CSMD1: variants seen among roughly 807,000 people sequenced by gnomAD.
CSMD1 encodes the protein CUB and sushi domain-containing protein 1.
Under a neutral mutation model 417.5 loss-of-function variants are expected in CSMD1, and 213 were observed. The ratio of observed to expected loss-of-function variants is 0.51; its 90% CI spans 0.46 to 0.57. The LOEUF (loss-of-function observed/expected upper bound fraction) is 0.57, where lower values mean the gene tolerates loss of function less well. CSMD1 is among the 20% of genes least tolerant of loss of function. The probability of loss-of-function intolerance (pLI) is 0.00; values close to 1 mark genes in which losing one functional copy is unlikely to be tolerated. For synonymous variants in CSMD1, 2,862 were observed against 1,736.8 expected (o/e 1.65, Z -16.11); for missense variants, 6,923 against 4,529.7 (o/e 1.53, Z -15.17).
At chr8:4,929,330 C>T (rs908498669) in intron 1 of CSMD1, among the ~76,000 whole-genome samples, 3 of 152,168 alleles carry the variant, frequency 2.0e-5, no homozygotes, top group African/African-American at 7.2e-5. Flanking sequence ...CTCTTTAAGC[C>T]ACCTACCCTA....
chr8:4,473,624 C>T (rs1300948366), intron 2 of CSMD1, among the ~76,000 whole-genome samples: 3 of 152,140 alleles, frequency 2.0e-5, no homozygotes, highest in African/African-American at 4.8e-5. Context: ...TTTACCTAAA[C>T]TTGGGGAGTT....
At chr8:4,303,657 T>G (rs942739218) in intron 3 of CSMD1, among the ~76,000 whole-genome samples, 1 of 151,996 alleles carries the variant, frequency 6.6e-6, no homozygotes, top group African/African-American at 2.4e-5. Flanking sequence ...ACTTTTTTAT[T>G]TTTTATTTAT....
At chr8:3,584,770 G>C (rs570553915) in intron 9 of CSMD1, among the ~76,000 whole-genome samples, 2 of 152,210 alleles carry the variant, frequency 1.3e-5, no homozygotes, top group East Asian at 1.9e-4. Context: ...GGATATAAGA[G>C]CAAGAAAACT....
intron 7 of CSMD1, among the ~76,000 whole-genome samples, chr8:3,621,334 A>G (rs1796234224): frequency 6.6e-6 from 1 of 152,196 alleles, no homozygotes; most frequent in African/African-American, 2.4e-5. Context: ...GTTGCCCACA[A>G]GAGACTCACT....
intron 1 of CSMD1, among the ~76,000 whole-genome samples, chr8:4,804,738 G>T (rs546003839): frequency 6.6e-6 from 1 of 152,258 alleles, no homozygotes; most frequent in South Asian, 2.1e-4. Flanking sequence ...TGAAATGCCT[G>T]CAAGCCTTCA....
chr8:4,530,913 G>C (rs948815205), intron 2 of CSMD1, among the ~76,000 whole-genome samples: 2 of 151,898 alleles, frequency 1.3e-5, no homozygotes, highest in East Asian at 1.9e-4. Context: ...CTACAGCTGA[G>C]CTTCGTTAAG....
intron 9 of CSMD1, among the ~76,000 whole-genome samples, chr8:3,580,125 G>T (rs1308845609): frequency 6.6e-6 from 1 of 151,834 alleles, no homozygotes; most frequent in Non-Finnish European, 1.5e-5. Flanking sequence ...AAAATAAAAA[G>T]AAAGAAAAAA....
intron 2 of CSMD1, among the ~76,000 whole-genome samples, chr8:4,493,462 G>C (rs1034870889): frequency 6.6e-6 from 1 of 152,180 alleles, no homozygotes; most frequent in African/African-American, 2.4e-5. Context: ...TTGGGAGGCT[G>C]AGGCAAGAGG....
At chr8:4,475,407 T>G (rs1437648735) in intron 2 of CSMD1, among the ~76,000 whole-genome samples, 1 of 152,040 alleles carries the variant, frequency 6.6e-6, no homozygotes, top group Admixed American at 6.6e-5. Context: ...GAAAACTTGT[T>G]GAGTGTTTCT....
At chr8:3,201,534 C>T in intron 32 of CSMD1, 78 bp downstream of exon 32, 1 of 673,204 alleles carries the variant, frequency 1.5e-6, no homozygotes, top group Non-Finnish European at 2.4e-6. Context: ...CAAAACAAAG[C>T]AAAAGAAACA....
intron 2 of CSMD1, among the ~76,000 whole-genome samples, chr8:4,556,613 C>G (rs550633130): frequency 6.6e-6 from 1 of 152,294 alleles, no homozygotes; most frequent in African/African-American, 2.4e-5. Context: ...GTAAAATAAT[C>G]CTGTTCATTT....
At chr8:4,094,722 G>A (rs1260701944) in intron 3 of CSMD1, among the ~76,000 whole-genome samples, 2 of 152,128 alleles carry the variant, frequency 1.3e-5, no homozygotes, top group South Asian at 2.1e-4. Context: ...AGGGCAGTGG[G>A]GAGCCTCCTT....
intron 3 of CSMD1, among the ~76,000 whole-genome samples, chr8:4,294,153 G>A (rs576748680): frequency 1.3e-5 from 2 of 152,134 alleles, no homozygotes; most frequent in Non-Finnish European, 2.9e-5. Context: ...ACCCCGACCA[G>A]CAGCCACTGT....
At chr8:3,474,707 C>T (rs1817308546) in intron 11 of CSMD1, among the ~76,000 whole-genome samples, 1 of 151,994 alleles carries the variant, frequency 6.6e-6, no homozygotes, top group African/African-American at 2.4e-5. Context: ...TCACAGTTTC[C>T]AAAGACCTAT....
At chr8:3,613,584 A>C (rs1801993199) in intron 8 of CSMD1, among the ~76,000 whole-genome samples, 1 of 152,084 alleles carries the variant, frequency 6.6e-6, no homozygotes, top group Non-Finnish European at 1.5e-5. Context: ...TCAGAATATG[A>C]GTTTTTAACT....
intron 11 of CSMD1, among the ~76,000 whole-genome samples, chr8:3,487,203 T>TTATTTC (rs565454152): frequency 0.016 from 2,376 of 151,636 alleles, 74 homozygotes; most frequent in African/African-American, 0.054. Flanking sequence ...GCATACTTTT[T>TTATTTC]TATTTATTTA....
At chr8:4,465,815 C>T (rs905576998) in intron 2 of CSMD1, among the ~76,000 whole-genome samples, 2 of 152,110 alleles carry the variant, frequency 1.3e-5, no homozygotes, top group African/African-American at 4.8e-5. Context: ...GCCAACCCAC[C>T]CCACATTCCT....
At chr8:2,975,638 A>C (rs1804849380) in intron 55 of CSMD1, among the ~76,000 whole-genome samples, 1 of 152,210 alleles carries the variant, frequency 6.6e-6, no homozygotes, top group Admixed American at 6.5e-5. Flanking sequence ...TGAGACCTGA[A>C]ACAGTGAAAT....
intron 1 of CSMD1, among the ~76,000 whole-genome samples, chr8:4,812,650 TTC>T (rs1186900994): frequency 6.6e-6 from 1 of 152,164 alleles, no homozygotes; most frequent in African/African-American, 2.4e-5. Context: ...TAAACAAAGA[TTC>T]TTATTCTCTA....
Sources: gnomAD v4.1 joint callset for allele counts (sites outside exome capture counted in the v4.1 genomes callset) on GRCh38, gnomAD v4.1.1 for gene constraint, MANE v1.5 for transcripts, NCBI Gene and HGNC (gene_info 2026-07-23, HGNC 2026-07-21) for gene names.